CYP39A1: variants seen among roughly 807,000 people sequenced by gnomAD.
CYP39A1 encodes the protein 24-hydroxycholesterol 7-alpha-hydroxylase.
A neutral mutation model predicts 58.1 loss-of-function variants in CYP39A1; 49 were observed. The observed-to-expected ratio is 0.84, with a 90% CI of 0.67 to 1.07. The LOEUF (loss-of-function observed/expected upper bound fraction) is 1.07, where lower values mean the gene tolerates loss of function less well. Ranked by LOEUF, CYP39A1 falls within the 50% of genes least tolerant of loss-of-function variation. The pLI is 0.00. For missense variants in CYP39A1, 531 were observed against 539.4 expected (o/e 0.98, Z 0.16); for synonymous variants, 209 against 187.6 (o/e 1.11, Z -0.93).
At chr6:46,600,609 T>C (rs1307611130) in intron 7 of CYP39A1, among the ~76,000 whole-genome samples, 3 of 152,122 alleles carry the variant, frequency 2.0e-5, no homozygotes, top group Admixed American at 6.5e-5. Context: ...TAATCAATCA[T>C]GCCTTTGTAC....
chr6:46,581,233 C>T lies in CYP39A1; in HGVS notation c.1250+5844G>A, dbSNP rs191681755. ...GACTAGCCTATGAAACATAGTGAGA[C>T]CTTGTCTCTACTAAAATTTTTTTTA... On this transcript the variant is annotated intron_variant, in intron 10 of 11. Transcript: ENST00000275016. Among the ~76,000 whole-genome samples, 277 of 152,124 alleles carry T rather than the reference C, an allele frequency of 1.8e-3. 2 individuals carry two copies. The highest frequency in any genetic ancestry group is 6.1e-3 in the African/African-American group (253 of 41,502).
intron 7 of CYP39A1, among the ~76,000 whole-genome samples, chr6:46,597,994 T>C (rs971633258): frequency 2.0e-5 from 3 of 152,178 alleles, no homozygotes; most frequent in African/African-American, 7.2e-5. Flanking sequence ...TCCTTTTCCG[T>C]AACAAAGATT....
intron 11 of CYP39A1, among the ~76,000 whole-genome samples, chr6:46,553,071 A>G (rs1309229859): frequency 9.1e-6 from 1 of 110,264 alleles, no homozygotes; most frequent in African/African-American, 3.8e-5. Flanking sequence ...CAACCCCCCA[A>G]CCAAAAAAAA....
At chr6:46,558,421 C>G (rs1389344854) in intron 10 of CYP39A1, among the ~76,000 whole-genome samples, 1 of 152,038 alleles carries the variant, frequency 6.6e-6, no homozygotes, top group African/African-American at 2.4e-5. Context: ...AAGTGCCACA[C>G]ACTTTTACAC....
chr6:46,598,365 C>T (rs773916381), intron 7 of CYP39A1, among the ~76,000 whole-genome samples: 2 of 152,076 alleles, frequency 1.3e-5, no homozygotes, highest in Non-Finnish European at 2.9e-5. Flanking sequence ...AAAAAGCAAA[C>T]CAACCCTATT....
intron 7 of CYP39A1, among the ~76,000 whole-genome samples, chr6:46,603,352 A>T (rs1487993145): frequency 6.6e-6 from 1 of 152,238 alleles, no homozygotes; most frequent in Non-Finnish European, 1.5e-5. Flanking sequence ...ATGTTTACTT[A>T]TATAAATTGA....
At chr6:46,629,297 G>A (rs778883761) in intron 6 of CYP39A1, among the ~76,000 whole-genome samples, 5 of 152,150 alleles carry the variant, frequency 3.3e-5, no homozygotes, top group South Asian at 2.1e-4. Flanking sequence ...TCTTTCTTCC[G>A]GGGGATGTTT....
intron 1 of CYP39A1, among the ~76,000 whole-genome samples, chr6:46,648,454 T>C (rs1307621576): frequency 2.2e-5 from 3 of 133,512 alleles, no homozygotes; most frequent in East Asian, 2.2e-4. Context: ...TAGGCGGGAA[T>C]TGAACAATGA....
Position 46,636,391 on chromosome 6 carries a change from T to A in CYP39A1, c.730A>T (p.Met244Leu). 2 of 1,574,840 alleles carry A rather than the reference T, an allele frequency of 1.3e-6. No individual in the cohort carries two copies. Among genetic ancestry groups the A allele is most frequent in the South Asian group, 1.1e-5 (1 of 88,058 alleles). The change falls in exon 5 of 12, where the codon ATG becomes TTG. Residue 244 changes from methionine to leucine, a missense_variant and splice_region_variant. Coordinates refer to ENST00000275016, the MANE Select transcript of CYP39A1 (RefSeq NM_016593.5). ...AAAGAAAGGTAAGAAATACTTACCA[T>A]GGAATTATCTTTTGCAGATTTACAT... ...KACKSAKDNS[M>L]TLLQATLDIV...
intron 5 of CYP39A1, among the ~76,000 whole-genome samples, chr6:46,634,194 A>G (rs1045375321): frequency 6.6e-6 from 1 of 152,200 alleles, no homozygotes; most frequent in African/African-American, 2.4e-5. Context: ...AATAAGTCCC[A>G]TGAGATCTGA....
chr6:46,610,451 C>T (rs1003003540), intron 7 of CYP39A1, among the ~76,000 whole-genome samples: 7 of 152,130 alleles, frequency 4.6e-5, no homozygotes, highest in Non-Finnish European at 4.4e-5. Context: ...AAGTGATCCT[C>T]CCACCTCAGC....
chr6:46,594,606 C>T (rs1014478223), intron 8 of CYP39A1, among the ~76,000 whole-genome samples: 1 of 151,950 alleles, frequency 6.6e-6, no homozygotes, highest in Non-Finnish European at 1.5e-5. Context: ...TGGACATCCA[C>T]ATTTATAAGA....
In CYP39A1 at chr6:46,572,094, A is replaced by G. The variant is rs78363751; in HGVS notation, c.1250+14983T>C. ...ATGCATTATATGTTTTTGATGTCAC[A>G]ATTTACTGCTTTTTATATTATCTAT... On this transcript the variant is annotated intron_variant, in intron 10 of 11. Transcript: ENST00000275016. Among the ~76,000 whole-genome samples, 1,242 of 152,216 alleles carry G rather than the reference A, an allele frequency of 8.2e-3. 15 individuals carry two copies. The highest frequency in any genetic ancestry group is 0.028 in the African/African-American group (1,181 of 41,554).
At chr6:46,567,368 T>A (rs1443932662) in intron 10 of CYP39A1, among the ~76,000 whole-genome samples, 6 of 152,174 alleles carry the variant, frequency 3.9e-5, no homozygotes, top group Admixed American at 2.6e-4. Context: ...TTTATCCATT[T>A]ATCAATCAAC....
rs553160052 is a variant in CYP39A1 at position 46,640,863 on chromosome 6, G to A, written c.314-1195C>T. On this transcript the variant is annotated intron_variant, in intron 2 of 11. Transcript: ENST00000275016. The stretch of plus-strand genomic sequence containing the variant: ...AGAATAAGTTTTAATTTTGTATTTC[G>A]TCATCCTATTACGTGTAAGATACAT... Among the ~76,000 whole-genome samples, 131 of 146,650 alleles carry A rather than the reference G, an allele frequency of 8.9e-4. 1 individual carries two copies. Among genetic ancestry groups the A allele is most frequent in the Middle Eastern group, 3.9e-3 (1 of 254 alleles).
chr6:46,564,712 T>G (rs1431199662), intron 10 of CYP39A1, among the ~76,000 whole-genome samples: 1 of 152,144 alleles, frequency 6.6e-6, no homozygotes, highest in Non-Finnish European at 1.5e-5. Flanking sequence ...AGAGAACACC[T>G]CTCTCTTTTT....
intron 10 of CYP39A1, among the ~76,000 whole-genome samples, chr6:46,554,155 A>G (rs930922556): frequency 2.0e-5 from 3 of 152,188 alleles, no homozygotes; most frequent in Non-Finnish European, 4.4e-5. Flanking sequence ...TATCATAGCC[A>G]TTAGATACAA....
intron 7 of CYP39A1, among the ~76,000 whole-genome samples, chr6:46,603,260 T>C (rs2150535165): frequency 6.6e-6 from 1 of 152,332 alleles, no homozygotes; most frequent in South Asian, 2.1e-4. Flanking sequence ...AAGGGAAATA[T>C]TAAGCTGGAA....
intron 7 of CYP39A1, among the ~76,000 whole-genome samples, chr6:46,624,346 C>A (rs980672830): frequency 3.9e-5 from 6 of 152,134 alleles, no homozygotes; most frequent in Admixed American, 3.9e-4. Flanking sequence ...TTTGTAGATG[C>A]AAGCTGCACA....
Sources: allele counts gnomAD v4.1 joint callset (sites outside exome capture counted in the v4.1 genomes callset), GRCh38; gene constraint gnomAD v4.1.1; transcripts MANE v1.5; gene names NCBI Gene and HGNC (gene_info 2026-07-23, HGNC 2026-07-21).